The following ZFHX3 variants were observed in gnomAD, a reference collection of about 807,000 sequenced individuals.
ZFHX3 encodes the protein zinc finger homeobox 3, also known as zinc finger homeobox protein 3.
Under a neutral mutation model 279.1 loss-of-function variants are expected in ZFHX3, and 42 were observed. That is an observed-to-expected ratio of 0.15 (90% CI 0.12 to 0.19). The LOEUF (loss-of-function observed/expected upper bound fraction) is 0.19, where lower values mean the gene tolerates loss of function less well. ZFHX3 is among the 10% of genes least tolerant of loss of function. The pLI is 1.00. For synonymous variants in ZFHX3, 2,293 were observed against 1,957.8 expected, an observed-to-expected ratio of 1.17 and a Z score of -4.52; for missense variants, 4,981 against 4,754.0, an observed-to-expected ratio of 1.05 and a Z score of -1.40.
At chr16:73,138,218 A>C (rs1966826085) in intron 6 of ZFHX3, among the ~76,000 whole-genome samples, 1 of 152,172 alleles carries the variant, frequency 6.6e-6, no homozygotes, top group Non-Finnish European at 1.5e-5. Context: ...AGCTTATGAG[A>C]GTTTGTCTGA....
At chr16:73,378,417 C>G (rs886606461) in intron 3 of ZFHX3, among the ~76,000 whole-genome samples, 1 of 152,130 alleles carries the variant, frequency 6.6e-6, no homozygotes, top group Non-Finnish European at 1.5e-5. Flanking sequence ...GGTTACTAAA[C>G]TGCTCTTTCT....
intron 3 of ZFHX3, among the ~76,000 whole-genome samples, chr16:73,395,441 G>T (rs1362079658): frequency 2.0e-5 from 3 of 152,094 alleles, no homozygotes; most frequent in African/African-American, 4.8e-5. Context: ...TCTAGCCTGG[G>T]TGACAAAGTG....
At chr16:73,860,540 G>T (rs1312909529) in intron 1 of ZFHX3, among the ~76,000 whole-genome samples, 1 of 152,070 alleles carries the variant, frequency 6.6e-6, no homozygotes, top group African/African-American at 2.4e-5. Flanking sequence ...CAATACAAAT[G>T]CATCACATAA....
intron 1 of ZFHX3, among the ~76,000 whole-genome samples, chr16:73,757,413 G>C (rs2053821287): frequency 1.3e-5 from 2 of 152,198 alleles, no homozygotes; most frequent in South Asian, 4.1e-4. Context: ...ATCAGCTGTG[G>C]ATGTCAGTAC....
rs1239100790 is a variant in ZFHX3 at position 73,127,648 on chromosome 16, C to T, written c.-897+3320G>A. 3.2e-6 allele frequency: 4 copies of T among 1,237,142 alleles called. No homozygotes were observed. The Admixed American group carries it at 1.2e-4, about 38-fold the overall frequency. 76.6% of individuals were successfully genotyped at this position (1,237,142 alleles called of 1,614,324 possible). A position where few individuals can be genotyped will look rare whatever the true frequency, so the allele number is the denominator to read the frequency against. ...AGGGTGCAGACTGGATGTTATGGAA[C>T]AGTTGCTGATTAATTAGTTCATTTA... On this transcript the variant is annotated intron_variant, in intron 7 of 17. Transcript: ENST00000641206.
intron 4 of ZFHX3, among the ~76,000 whole-genome samples, chr16:73,291,980 C>T (rs1229760140): frequency 2.0e-5 from 3 of 152,128 alleles, no homozygotes; most frequent in Admixed American, 6.5e-5. Context: ...CTCTGTACCT[C>T]TCCTCTGGGT....
chr16:73,783,354 C>T (rs1427561809), intron 1 of ZFHX3, among the ~76,000 whole-genome samples: 1 of 152,192 alleles, frequency 6.6e-6, no homozygotes, highest in African/African-American at 2.4e-5. Flanking sequence ...AATCCCATTT[C>T]CTTCCCTCCC....
intron 3 of ZFHX3, among the ~76,000 whole-genome samples, chr16:73,426,245 C>T (rs547913985): frequency 1.3e-5 from 2 of 152,250 alleles, no homozygotes; most frequent in South Asian, 4.1e-4. Flanking sequence ...TTATATATGG[C>T]CAAAAGCACC....
chr16:72,812,837 CAGCACGTACGGAAGTGCTGGTGGG>C (rs1335795622), intron 5 of ZFHX3, among the ~76,000 whole-genome samples: 1 of 152,186 alleles, frequency 6.6e-6, no homozygotes, highest in African/African-American at 2.4e-5. Flanking sequence ...GAGCAGCAGA[CAGCACGTACGGAAGTGCTGGTGGG>C]AGGAGTTCTC....
chr16:73,727,578 A>C (rs2142244858), intron 1 of ZFHX3, among the ~76,000 whole-genome samples: 1 of 152,314 alleles, frequency 6.6e-6, no homozygotes. Flanking sequence ...GACCAGTTCT[A>C]ATCAGAGTTG....
At chr16:73,132,594 G>C (rs1012013931) in intron 6 of ZFHX3, among the ~76,000 whole-genome samples, 1 of 152,132 alleles carries the variant, frequency 6.6e-6, no homozygotes, top group African/African-American at 2.4e-5. Flanking sequence ...GGTCTGGTCT[G>C]CTATAGGACC....
intron 2 of ZFHX3, among the ~76,000 whole-genome samples, chr16:73,492,996 T>C (rs1292024747): frequency 3.9e-5 from 6 of 152,206 alleles, no homozygotes; most frequent in African/African-American, 1.4e-4. Flanking sequence ...TTTTATTATA[T>C]ATAACATATA....
At chr16:73,699,245 T>C (rs995780928) in intron 1 of ZFHX3, among the ~76,000 whole-genome samples, 3 of 152,178 alleles carry the variant, frequency 2.0e-5, no homozygotes, top group East Asian at 3.8e-4. Flanking sequence ...AGGAAGCTGA[T>C]AGTGGGGGTG....
rs189553177 is a variant in ZFHX3, at chr16:73,883,045, T to C, written c.-1608+8606A>G. Among the ~76,000 whole-genome samples the C allele has an allele frequency of 1.4e-4, 21 of 151,850 alleles. No individual in the cohort carries two copies. In the East Asian group the frequency reaches 4.1e-3, roughly 29 times the overall value. ...TCAAGCTTTTTAAAAAAAAAAATAG[T>C]CTTTCACATCAAAAAAAAAACTACA... On this transcript the variant is annotated intron_variant, in intron 1 of 17. Coordinates refer to the ZFHX3 transcript ENST00000641206.
At chr16:73,544,360 T>G (rs1383377632) in intron 2 of ZFHX3, among the ~76,000 whole-genome samples, 1 of 152,026 alleles carries the variant, frequency 6.6e-6, no homozygotes, top group Non-Finnish European at 1.5e-5. Context: ...CCGCTTAGGG[T>G]AAATTTTCTT....
chr16:73,752,040 C>G (rs1174620375), intron 1 of ZFHX3, among the ~76,000 whole-genome samples: 1 of 152,112 alleles, frequency 6.6e-6, no homozygotes, highest in Non-Finnish European at 1.5e-5. Flanking sequence ...AGGGCACAGG[C>G]CTGGCCATAA....
At chr16:72,963,809 G>A (rs1961699778) in intron 1 of ZFHX3, among the ~76,000 whole-genome samples, 1 of 152,188 alleles carries the variant, frequency 6.6e-6, no homozygotes, top group South Asian at 2.1e-4. Context: ...TATGACGAAG[G>A]GGAGGGGGCT....
chr16:73,814,568 C>A (rs1049467161), intron 1 of ZFHX3, among the ~76,000 whole-genome samples: 1 of 141,886 alleles, frequency 7.0e-6, no homozygotes, highest in Non-Finnish European at 1.5e-5. Context: ...TAGTTCACAA[C>A]TTTTTTTTTT....
chr16:73,229,842 A>AT (rs1394456290), intron 5 of ZFHX3, among the ~76,000 whole-genome samples: 1 of 152,232 alleles, frequency 6.6e-6, no homozygotes, highest in African/African-American at 2.4e-5. Flanking sequence ...ATTAGGTATT[A>AT]TTTACCTTAA....
Sources: allele counts gnomAD v4.1 joint callset (sites outside exome capture counted in the v4.1 genomes callset), GRCh38; gene constraint gnomAD v4.1.1; transcripts MANE v1.5; gene names NCBI Gene and HGNC (gene_info 2026-07-23, HGNC 2026-07-21).